LIN7A: variants seen among roughly 807,000 people sequenced by gnomAD.
LIN7A encodes protein lin-7 homolog A.
In LIN7A, 25 loss-of-function variants were observed where a neutral mutation model predicts 29.8. The ratio of observed to expected loss-of-function variants is 0.84; its 90% CI spans 0.61 to 1.17. LIN7A has a LOEUF of 1.17. Ranked by LOEUF, LIN7A falls within the 50% of genes most tolerant of loss-of-function variation. The probability of loss-of-function intolerance (pLI) is 0.00; values close to 1 mark genes in which losing one functional copy is unlikely to be tolerated. For missense variants in LIN7A, 239 were observed against 287.0 expected (o/e 0.83, Z 1.21); for synonymous variants, 118 against 107.5 (o/e 1.10, Z -0.60).
chr12:80,937,415 C>T (rs1033819204), intron 1 of LIN7A: 152 of 389,040 alleles, frequency 3.9e-4, no homozygotes, highest in Non-Finnish European at 6.5e-4. Context: ...CAGAAGGAGG[C>T]GTCCCCTCGG....
At position 80,794,298 on chromosome 12, in the gene LIN7A, G is replaced by A. The variant is rs554210051; in HGVS notation, c.*3429C>T. 1 of 152,150 alleles carries A rather than the reference G, an allele frequency of 6.6e-6. No individual in the cohort carries two copies. Among genetic ancestry groups the A allele is most frequent in the African/African-American group, 2.4e-5 (1 of 41,442 alleles). 9.4% of individuals were successfully genotyped at this position (152,150 alleles called of 1,614,324 possible). ...TAGTTTTCCAGCTAGAGAGGGATGA[G>A]ATGGGTTGGACCACCCCATATTTTG... On this transcript the variant is annotated 3_prime_UTR_variant, in exon 6 of 6. Transcript: ENST00000552864.
rs565129947 is a variant in LIN7A at position 80,800,113 on chromosome 12, A to C, written c.*1-2387T>G. 3.9e-5 allele frequency among the ~76,000 whole-genome samples: 6 copies of C among 152,358 alleles called. 1 individual carries two copies. Among genetic ancestry groups the C allele is most frequent in the African/African-American group, 1.4e-4 (6 of 41,588 alleles). The stretch of plus-strand genomic sequence containing the variant: ...TCACATCACTACAAATACCATGGAC[A>C]TTAAAAGCATAGTAAAAAAATACTA... On this transcript the variant is annotated intron_variant, in intron 5 of 5. Coordinates refer to ENST00000552864, the MANE Select transcript of LIN7A (RefSeq NM_004664.4).
chr12:80,838,012 A>C (rs912172186), intron 4 of LIN7A, among the ~76,000 whole-genome samples: 2 of 152,216 alleles, frequency 1.3e-5, no homozygotes, highest in Non-Finnish European at 2.9e-5. Context: ...ATAACAGCAC[A>C]AATAGAAGGA....
intron 4 of LIN7A, chr12:80,841,772 C>G: frequency 2.2e-6 from 1 of 460,226 alleles, no homozygotes; most frequent in Non-Finnish European, 2.9e-6. Context: ...TTGGCTGCAA[C>G]CCTTATAAAT....
chr12:80,808,817 A>AT (rs1232121889), intron 5 of LIN7A, among the ~76,000 whole-genome samples: 2 of 151,454 alleles, frequency 1.3e-5, no homozygotes, highest in East Asian at 2.0e-4. Flanking sequence ...CAATAAATGT[A>AT]TTTTTTAGGA....
intron 1 of LIN7A, among the ~76,000 whole-genome samples, chr12:80,896,155 C>G (rs946870410): frequency 6.6e-6 from 1 of 152,118 alleles, no homozygotes; most frequent in Non-Finnish European, 1.5e-5. Flanking sequence ...TGGACTGAGA[C>G]TGGAAATGTC....
chr12:80,858,865 A>G (rs1289695720), intron 2 of LIN7A, among the ~76,000 whole-genome samples: 2 of 152,154 alleles, frequency 1.3e-5, no homozygotes, highest in Non-Finnish European at 2.9e-5. Context: ...AATAAGGTTT[A>G]CTTTTTAAAA....
intron 2 of LIN7A, among the ~76,000 whole-genome samples, chr12:80,865,641 G>C (rs1293898471): frequency 6.6e-6 from 1 of 152,208 alleles, no homozygotes; most frequent in Non-Finnish European, 1.5e-5. Flanking sequence ...CAGATTCTCT[G>C]CAAGATGATG....
At chr12:80,816,662 T>C (rs1043637909) in intron 4 of LIN7A, among the ~76,000 whole-genome samples, 4 of 152,182 alleles carry the variant, frequency 2.6e-5, no homozygotes, top group African/African-American at 9.6e-5. Flanking sequence ...AAGGCATACT[T>C]GTTTCATCAG....
intron 4 of LIN7A, among the ~76,000 whole-genome samples, chr12:80,822,497 G>T (rs1157457649): frequency 1.3e-5 from 2 of 152,156 alleles, no homozygotes; most frequent in African/African-American, 4.8e-5. Context: ...GGTGGAGGTT[G>T]CAGTGAGCCA....
intron 1 of LIN7A, among the ~76,000 whole-genome samples, chr12:80,906,502 G>T (rs1318256341): frequency 2.0e-4 from 31 of 152,034 alleles, no homozygotes; most frequent in Admixed American, 2.0e-3. Flanking sequence ...ACTGGGGGTT[G>T]GGGGGTTTGC....
At chr12:80,851,115 T>C (rs1873310257) in intron 2 of LIN7A, among the ~76,000 whole-genome samples, 2 of 152,144 alleles carry the variant, frequency 1.3e-5, no homozygotes, top group Admixed American at 6.6e-5. Context: ...ATCATTACTA[T>C]TTTGGCAGTA....
chr12:80,871,118 G>T (rs1377966997), intron 2 of LIN7A, among the ~76,000 whole-genome samples: 1 of 152,148 alleles, frequency 6.6e-6, no homozygotes, highest in African/African-American at 2.4e-5. Context: ...GCTGAAAATA[G>T]TGCGGGAAAT....
intron 3 of LIN7A, among the ~76,000 whole-genome samples, chr12:80,846,252 T>C (rs1219104609): frequency 1.3e-5 from 2 of 152,224 alleles, no homozygotes; most frequent in Non-Finnish European, 2.9e-5. Flanking sequence ...GGAGTCCAAA[T>C]AACTTTGTTA....
rs1408231731 is a variant in LIN7A at position 80,796,060 on chromosome 12, C to A, written c.*1667G>T. ...AAGAGCAGGGAAAACCTGGTATTGA[C>A]AATACTATCACCCAACAGGGCATAA... On this transcript the variant is annotated 3_prime_UTR_variant, in exon 6 of 6. Transcript: ENST00000552864. 1 of 152,166 alleles carries A rather than the reference C, an allele frequency of 6.6e-6. No homozygotes were observed. Among genetic ancestry groups the A allele is most frequent in the Admixed American group, 6.6e-5 (1 of 15,266 alleles). 9.4% of individuals were successfully genotyped at this position (152,166 alleles called of 1,614,324 possible).
intron 4 of LIN7A, among the ~76,000 whole-genome samples, chr12:80,835,358 A>G (rs1044598356): frequency 1.3e-5 from 2 of 152,188 alleles, no homozygotes; most frequent in Non-Finnish European, 2.9e-5. Context: ...AAAGGTAGAC[A>G]GGACAGGTGT....
At chr12:80,894,430 A>G (rs960809615) in intron 1 of LIN7A, among the ~76,000 whole-genome samples, 2 of 152,162 alleles carry the variant, frequency 1.3e-5, no homozygotes. Flanking sequence ...TGCATATTAC[A>G]CTTGCCCCTT....
chr12:80,827,193 C>T (rs1592867487), intron 4 of LIN7A, among the ~76,000 whole-genome samples: 1 of 152,120 alleles, frequency 6.6e-6, no homozygotes, highest in African/African-American at 2.4e-5. Context: ...TGAGACCATC[C>T]TGGCTAACAC....
chr12:80,913,860 T>C (rs1355168106), intron 1 of LIN7A, among the ~76,000 whole-genome samples: 1 of 152,244 alleles, frequency 6.6e-6, no homozygotes, highest in Non-Finnish European at 1.5e-5. Context: ...TGCTAATTCA[T>C]GCTCTACTTA....
Sources: allele counts gnomAD v4.1 joint callset (sites outside exome capture counted in the v4.1 genomes callset), GRCh38; gene constraint gnomAD v4.1.1; transcripts MANE v1.5; gene names NCBI Gene and HGNC (gene_info 2026-07-23, HGNC 2026-07-21).